RYR3: variants seen among roughly 807,000 people sequenced by gnomAD.
RYR3 encodes ryanodine receptor 3.
RYR3 carries 207 observed loss-of-function variants against 584.3 expected under a neutral mutation model. The observed-to-expected ratio is 0.35, with a 90% CI of 0.32 to 0.40. RYR3 has a LOEUF of 0.40. Among genes scored for constraint, RYR3 ranks in the 10% least tolerant of loss-of-function variants. The pLI is 1.00. For missense variants in RYR3, 5,616 were observed against 6,089.2 expected, an observed-to-expected ratio of 0.92 and a Z score of 2.59; for synonymous variants, 2,416 against 2,248.5, an observed-to-expected ratio of 1.07 and a Z score of -2.11.
intron 1 of RYR3, among the ~76,000 whole-genome samples, chr15:33,450,955 G>A (rs2047078715): frequency 6.6e-6 from 1 of 152,144 alleles, no homozygotes; most frequent in East Asian, 1.9e-4. Flanking sequence ...GAGGGAAGCA[G>A]AATGGAGCAT....
Position 33,812,923 on chromosome 15 carries a change from G to C in RYR3, c.10318G>C (p.Glu3440Gln). Residue 3440 changes from glutamate (E) to glutamine (Q), a missense_variant, in exon 73 of 104, where the codon GAA becomes CAA. By Grantham distance (29) the Glu-to-Gln change is conservative. This residue lies in a region of RYR3 where 954 missense variants were observed against 1,132.2 expected (regional missense o/e 0.84). Transcript: ENST00000634891. Reference protein sequence around the residue: ...NLYKDVLKSEEPFNPEKTVER... With the variant: ...NLYKDVLKSEQPFNPEKTVER... ...CTACAAGGATGTTCTGAAGAGTGAA[G>C]AACCTTTCAATCCGGAAAAGACAGT... is the stretch of plus-strand genomic sequence containing the variant. 6.2e-7 allele frequency: 1 copy of C among 1,613,978 alleles called. No homozygotes were observed. The highest frequency in any genetic ancestry group is 8.5e-7 in the Non-Finnish European group (1 of 1,179,864).
chr15:33,342,161 G>A (rs1332690486), intron 1 of RYR3, among the ~76,000 whole-genome samples: 2 of 152,186 alleles, frequency 1.3e-5, no homozygotes, highest in South Asian at 2.1e-4. Context: ...GTATTACTTC[G>A]GCACTTAGGA....
intron 1 of RYR3, among the ~76,000 whole-genome samples, chr15:33,396,090 T>C (rs937800446): frequency 6.6e-6 from 1 of 152,124 alleles, no homozygotes; most frequent in Non-Finnish European, 1.5e-5. Flanking sequence ...TTCGGATTCA[T>C]GCCGGTGACT....
chr15:33,492,735 G>A (rs2051078612), intron 2 of RYR3, among the ~76,000 whole-genome samples: 1 of 152,130 alleles, frequency 6.6e-6, no homozygotes, highest in Non-Finnish European at 1.5e-5. Flanking sequence ...GATGCCGATT[G>A]CACCTGAGGA....
At chr15:33,483,963 T>C (rs771868050) in intron 2 of RYR3, among the ~76,000 whole-genome samples, 7 of 152,164 alleles carry the variant, frequency 4.6e-5, no homozygotes, top group Non-Finnish European at 7.4e-5. Flanking sequence ...TAGCACCTGA[T>C]TGACTTCTCA....
intron 2 of RYR3, among the ~76,000 whole-genome samples, chr15:33,492,391 T>C (rs1239621569): frequency 2.0e-5 from 3 of 152,152 alleles, no homozygotes; most frequent in Non-Finnish European, 2.9e-5. Context: ...TTTTTGAATA[T>C]CTGTCCATGT....
chr15:33,461,321 G>A (rs1850782803), intron 1 of RYR3, among the ~76,000 whole-genome samples: 1 of 152,156 alleles, frequency 6.6e-6, no homozygotes, highest in Non-Finnish European at 1.5e-5. Context: ...AATGAGTTGA[G>A]GAGAATTCTG....
At chr15:33,547,842 A>G (rs1337447893) in intron 8 of RYR3, among the ~76,000 whole-genome samples, 1 of 152,234 alleles carries the variant, frequency 6.6e-6, no homozygotes, top group Non-Finnish European at 1.5e-5. Context: ...CTCCTGATAT[A>G]GAAATGGAGA....
rs1447115957 is a variant in RYR3 at position 33,865,501 on chromosome 15, G to A, written c.*275G>A. 1.0e-5 allele frequency: 4 copies of A among 384,526 alleles called. No homozygotes were observed. Among genetic ancestry groups the A allele is most frequent in the East Asian group, 9.2e-5 (2 of 21,798 alleles). 23.8% of individuals were successfully genotyped at this position (384,526 alleles called of 1,614,324 possible). On this transcript the variant is annotated 3_prime_UTR_variant, in exon 104 of 104. Transcript: ENST00000634891. ...ATGCCTTCAAGTTTTCCAGTTCTGA[G>A]GTAACTAGTTCAGTTTGTTGGGATG...
intron 41 of RYR3, 56 bp downstream of exon 41, chr15:33,699,889 T>A (rs1302990093): frequency 1.3e-6 from 2 of 1,573,828 alleles, no homozygotes; most frequent in Non-Finnish European, 1.7e-6. Context: ...CACTCCCCCT[T>A]TTGACCACTT....
intron 38 of RYR3, among the ~76,000 whole-genome samples, chr15:33,675,513 A>G (rs900528735): frequency 2.0e-5 from 3 of 152,214 alleles, no homozygotes; most frequent in Admixed American, 2.0e-4. Flanking sequence ...TGAGATAGTT[A>G]TGAGCACAGG....
chr15:33,687,839 C>T (rs1325811148), intron 38 of RYR3, among the ~76,000 whole-genome samples: 1 of 152,150 alleles, frequency 6.6e-6, no homozygotes, highest in Non-Finnish European at 1.5e-5. Flanking sequence ...ATAAATGGTG[C>T]TGGGAAAACT....
rs755797140 is a variant in RYR3 at position 33,311,731 on chromosome 15, G to A, written c.51+635G>A. On this transcript the variant is annotated intron_variant, in intron 1 of 103. Coordinates refer to ENST00000634891, the MANE Select transcript of RYR3 (RefSeq NM_001036.6). This position sits in a 1 kb window ranked among gnomAD's most constrained non-coding sequence, Gnocchi z 4.4. ...TTGACTGACTGCCTGTCGTGTGTTCGAGAGCTGTGGCTTCTGCTCCTGGCT... is the reference window on the plus strand; with the variant it reads ...TTGACTGACTGCCTGTCGTGTGTTCAAGAGCTGTGGCTTCTGCTCCTGGCT... 1.4e-4 allele frequency among the ~76,000 whole-genome samples: 21 copies of A among 152,330 alleles called. No individual in the cohort carries two copies. Among genetic ancestry groups the A allele is most frequent in the Non-Finnish European group, 2.6e-4 (18 of 68,028 alleles).
In RYR3 at chr15:33,768,733, C is replaced by T. The variant is rs749145363; in HGVS notation, c.8755+26C>T. 20 of 1,608,146 alleles carry T rather than the reference C, an allele frequency of 1.2e-5. No homozygotes were observed. In the Middle Eastern group the frequency reaches 5.0e-4, roughly 40 times the overall value. ...GTAAGTGAAGTGTTGCTCAAGGTAC[C>T]GCTCCTCCCTGTAATTATCTTGAAC... On this transcript the variant is annotated intron_variant, in intron 61 of 103. Transcript: ENST00000634891.
At chr15:33,563,717 T>G (rs1279422021) in intron 11 of RYR3, among the ~76,000 whole-genome samples, 1 of 152,158 alleles carries the variant, frequency 6.6e-6, no homozygotes, top group Non-Finnish European at 1.5e-5. Flanking sequence ...TGCTCTGTAG[T>G]TGAGGTATAG....
chr15:33,726,183 G>GT (rs1212377365), intron 45 of RYR3, among the ~76,000 whole-genome samples: 1 of 152,042 alleles, frequency 6.6e-6, no homozygotes, highest in Non-Finnish European at 1.5e-5. Flanking sequence ...TCTTTAGTCA[G>GT]TTATTTCATC....
At chr15:33,825,840 C>T (rs1167549797) in intron 82 of RYR3, 164 bp downstream of exon 82, 3 of 547,218 alleles carry the variant, frequency 5.5e-6, no homozygotes, top group Non-Finnish European at 9.7e-6. Context: ...TCAAGCACTT[C>T]TCCTGCCTCA....
intron 10 of RYR3, among the ~76,000 whole-genome samples, chr15:33,552,271 G>T (rs2056738026): frequency 6.6e-6 from 1 of 152,196 alleles, no homozygotes. Context: ...GGGGAAGCAA[G>T]GAAAGCTCAG....
rs958886671 is a variant in RYR3 at position 33,848,244 on chromosome 15, T to G, written c.13498-47T>G. 8.1e-6 allele frequency: 13 copies of G among 1,608,646 alleles called. No homozygotes were observed. The Admixed American group carries it at 1.0e-4, about 13-fold the overall frequency. Reference sequence around the variant, plus strand: ...TGACAAATACCTGGGAGCAGGAGCTTTAATCACAAAGCCTGCTCTGAGTAA... The same window carrying G: ...TGACAAATACCTGGGAGCAGGAGCTGTAATCACAAAGCCTGCTCTGAGTAA... On this transcript the variant is annotated intron_variant, in intron 93 of 103. Coordinates refer to ENST00000634891, the MANE Select transcript of RYR3 (RefSeq NM_001036.6).
Sources: allele counts gnomAD v4.1 joint callset (sites outside exome capture counted in the v4.1 genomes callset), GRCh38; gene constraint gnomAD v4.1.1; regional missense constraint gnomAD v4.1.1; non-coding constraint Gnocchi (gnomAD v3.1); transcripts MANE v1.5; gene names NCBI Gene and HGNC (gene_info 2026-07-23, HGNC 2026-07-21).